Variants in UPRT observed in about 807,000 individuals in gnomAD.
UPRT encodes RP11-311P8.3.
Under a neutral mutation model 22.6 loss-of-function variants are expected in UPRT, and 5 were observed. The ratio of observed to expected loss-of-function variants is 0.22; its 90% CI spans 0.12 to 0.47. The LOEUF is 0.47. UPRT is among the 20% of genes least tolerant of loss of function. The pLI is 0.99. For synonymous variants in UPRT, 77 were observed against 87.7 expected, an observed-to-expected ratio of 0.88 and a Z score of 0.68; for missense variants, 181 against 239.9, an observed-to-expected ratio of 0.75 and a Z score of 1.62.
chrX:75,251,650 T>C (rs910946686), intron 4 of UPRT, among the ~76,000 whole-genome samples: 4 of 111,659 alleles, frequency 3.6e-5, no homozygotes, highest in Non-Finnish European at 7.5e-5. Context: ...AGGTAATTTA[T>C]AGATTCAATG....
At chrX:75,218,989 G>A (rs1478658497) in intron 4 of UPRT, among the ~76,000 whole-genome samples, 1 of 110,671 alleles carries the variant, frequency 9.0e-6, no homozygotes, top group Non-Finnish European at 1.9e-5. Context: ...GTATACATAT[G>A]TAACTAACCT....
upstream of UPRT, among the ~76,000 whole-genome samples, chrX:75,272,372 A>ACACATATATATATGTGTATATATATATG (rs2082613981): frequency 1.1e-5 from 1 of 89,781 alleles, no homozygotes; most frequent in Non-Finnish European, 2.1e-5. Context: ...ATATATATAT[A>ACACATATATATATGTGTATATATATATG]TGTATATATA....
intron 4 of UPRT, among the ~76,000 whole-genome samples, chrX:75,234,826 A>C (rs1434583941): frequency 4.5e-5 from 5 of 111,529 alleles, no homozygotes; most frequent in East Asian, 2.8e-4. Flanking sequence ...TGCCCACAAG[A>C]GAAAGCAGGA....
At chrX:75,245,587 C>A (rs1445478481) in intron 4 of UPRT, among the ~76,000 whole-genome samples, 2 of 112,177 alleles carry the variant, frequency 1.8e-5, no homozygotes, top group African/African-American at 6.5e-5. Context: ...GTGGTACATA[C>A]ACACTATGGA....
chrX:75,209,521 C>T (rs779343134), intron 4 of UPRT, among the ~76,000 whole-genome samples: 2 of 111,898 alleles, frequency 1.8e-5, no homozygotes, highest in South Asian at 3.8e-4. Flanking sequence ...TACAGGCATC[C>T]GCCACCATGC....
At chrX:75,258,076 A>T (rs1199986242) in intron 4 of UPRT, among the ~76,000 whole-genome samples, 1 of 110,079 alleles carries the variant, frequency 9.1e-6, no homozygotes, top group Non-Finnish European at 1.9e-5. Context: ...TGCTTTTCCC[A>T]CAGTCTTCAC....
At chrX:75,166,518 C>G (rs925106593) in intron 3 of UPRT, among the ~76,000 whole-genome samples, 1 of 111,919 alleles carries the variant, frequency 8.9e-6, no homozygotes, top group Non-Finnish European at 1.9e-5. Context: ...GCCCCCAATC[C>G]TTAAGACCAT....
At chrX:75,217,353 T>C (rs1337610193) in intron 4 of UPRT, among the ~76,000 whole-genome samples, 4 of 111,540 alleles carry the variant, frequency 3.6e-5, no homozygotes, top group Non-Finnish European at 7.5e-5. Context: ...AAGTCATTGG[T>C]AGCTTGATGG....
At chrX:75,174,574 A>G (rs2082240990) in intron 4 of UPRT, among the ~76,000 whole-genome samples, 1 of 111,220 alleles carries the variant, frequency 9.0e-6, no homozygotes, top group Non-Finnish European at 1.9e-5. Context: ...TTTCCTGTAA[A>G]CCCCAGGCGG....
At chrX:75,253,477 T>G (rs1267234605) in intron 4 of UPRT, among the ~76,000 whole-genome samples, 1 of 112,374 alleles carries the variant, frequency 8.9e-6, no homozygotes, top group Non-Finnish European at 1.9e-5. Flanking sequence ...GTAAAGTAGT[T>G]CAGCCATTGT....
chrX:75,232,145 G>A (rs775875093), intron 4 of UPRT, among the ~76,000 whole-genome samples: 1 of 112,420 alleles, frequency 8.9e-6, no homozygotes, highest in African/African-American at 3.2e-5. Context: ...AGGGGTCAGG[G>A]AGTTCCCCTT....
At chrX:75,185,411 G>T (rs756561897) in intron 4 of UPRT, among the ~76,000 whole-genome samples, 1 of 111,964 alleles carries the variant, frequency 8.9e-6, no homozygotes, top group Non-Finnish European at 1.9e-5. Flanking sequence ...TGTGCTGCTG[G>T]ATTTGGTTTG....
intron 3 of UPRT, among the ~76,000 whole-genome samples, chrX:75,297,150 A>G (rs1041152233): frequency 8.9e-6 from 1 of 111,766 alleles, no homozygotes; most frequent in Non-Finnish European, 1.9e-5. Context: ...GTGGGGTCCC[A>G]GTTTGAATTG....
chrX:75,256,079 G>T (rs1452763521), intron 4 of UPRT, among the ~76,000 whole-genome samples: 1 of 111,323 alleles, frequency 9.0e-6, no homozygotes, highest in Non-Finnish European at 1.9e-5. Context: ...TCAACAGTGC[G>T]TGGAACTTTC....
intron 4 of UPRT, among the ~76,000 whole-genome samples, chrX:75,257,398 C>T (rs1169005399): frequency 9.0e-6 from 1 of 111,360 alleles, no homozygotes; most frequent in African/African-American, 3.3e-5. Context: ...TATGACAAAC[C>T]CACAGCCAAC....
At chrX:75,237,632 A>G (rs1449306591) in intron 4 of UPRT, among the ~76,000 whole-genome samples, 18 of 110,355 alleles carry the variant, frequency 1.6e-4, no homozygotes, top group African/African-American at 5.0e-4. Flanking sequence ...AAAATGATGA[A>G]TTCATGTCCT....
upstream of UPRT, among the ~76,000 whole-genome samples, chrX:75,272,723 T>C (rs1432126779): frequency 3.7e-5 from 4 of 108,171 alleles, no homozygotes; most frequent in Admixed American, 4.0e-4. Flanking sequence ...TGTTCCCCAA[T>C]AACCTATGGA....
chrX:75,277,953 A>T (rs1279497586), intron 1 of UPRT, among the ~76,000 whole-genome samples: 1 of 111,134 alleles, frequency 9.0e-6, no homozygotes, highest in Non-Finnish European at 1.9e-5. Context: ...CCCCTCTAGG[A>T]GGCTGGTTTA....
chrX:75,270,839 GCACATGT>G (rs1339110880), upstream of UPRT, among the ~76,000 whole-genome samples: 1 of 110,857 alleles, frequency 9.0e-6, no homozygotes. Flanking sequence ...AACCTCCATG[GCACATGT>G]ATACCTATGT....
Sources: gnomAD v4.1 joint callset for allele counts (sites outside exome capture counted in the v4.1 genomes callset) on GRCh38, gnomAD v4.1.1 for gene constraint, MANE v1.5 for transcripts, NCBI Gene and HGNC (gene_info 2026-07-23, HGNC 2026-07-21) for gene names.